Variants in KSR2 observed in about 807,000 individuals in gnomAD.
KSR2 encodes kinase suppressor of ras 2.
KSR2 carries 25 observed loss-of-function variants against 107.8 expected under a neutral mutation model. The observed-to-expected ratio is 0.23, with a 90% confidence interval of 0.17 to 0.32. The LOEUF (loss-of-function observed/expected upper bound fraction) is 0.32, where lower values mean the gene tolerates loss of function less well. KSR2 is among the 10% of genes least tolerant of loss of function. KSR2 has a pLI of 1.00. For missense variants in KSR2, 887 were observed against 1,268.9 expected, an observed-to-expected ratio of 0.70 and a Z score of 4.57; for synonymous variants, 480 against 507.0, an observed-to-expected ratio of 0.95 and a Z score of 0.71.
chr12:117,738,420 T>A (rs985460763), intron 4 of KSR2, among the ~76,000 whole-genome samples: 13 of 152,102 alleles, frequency 8.5e-5, no homozygotes, highest in African/African-American at 3.1e-4. Flanking sequence ...TAGCCTACTA[T>A]CCCCCCAGGC....
In KSR2 at chr12:117,530,966, G is replaced by A. The variant is rs1205194461; in HGVS notation, c.1777C>T (p.Leu593=). 4.3e-6 allele frequency: 7 copies of A among 1,613,580 alleles called. No individual in the cohort carries two copies. The African/African-American group carries it at 9.3e-5, about 22-fold the overall frequency. The change falls in exon 12 of 20, where the codon CTG becomes TTG. Residue 593 remains leucine, a synonymous_variant. Coordinates refer to ENST00000339824, the MANE Select transcript of KSR2 (RefSeq NM_173598.6). ...ETPTRAPQVI[L]HPVTSNPILE... is the part of the protein sequence containing the mutation. ...ATTGGATTCGAGGTCACCGGATGCAGGATGACCTGGGGCGCCCGGGTCGGC... is the reference window on the plus strand; with the variant it reads ...ATTGGATTCGAGGTCACCGGATGCAAGATGACCTGGGGCGCCCGGGTCGGC...
At chr12:117,746,392 AAACTGG>A (rs1888404963) in intron 4 of KSR2, among the ~76,000 whole-genome samples, 1 of 152,230 alleles carries the variant, frequency 6.6e-6, no homozygotes, top group South Asian at 2.1e-4. Flanking sequence ...CAGAAAACAG[AAACTGG>A]ACCCCTTCCT....
intron 1 of KSR2, among the ~76,000 whole-genome samples, chr12:117,944,428 G>C (rs1896111536): frequency 6.6e-6 from 1 of 152,012 alleles, no homozygotes; most frequent in East Asian, 1.9e-4. Context: ...TCAGCAACAT[G>C]AGAACAGACT....
At chr12:117,717,666 G>GTGTGTGT (rs1887038768) in intron 4 of KSR2, among the ~76,000 whole-genome samples, 1 of 144,366 alleles carries the variant, frequency 6.9e-6, no homozygotes, top group African/African-American at 2.6e-5. Context: ...GGGGCAGACA[G>GTGTGTGT]GTGTGTGTGT....
chr12:117,639,647 TTATTATTATTA>T (rs1431450223), intron 5 of KSR2, among the ~76,000 whole-genome samples: 2 of 138,356 alleles, frequency 1.4e-5, no homozygotes, highest in African/African-American at 2.7e-5. Context: ...ATTATTATTA[TTATTATTATTA>T]TATTATTTTA....
intron 5 of KSR2, among the ~76,000 whole-genome samples, chr12:117,634,043 G>T (rs1490688295): frequency 6.6e-6 from 1 of 152,170 alleles, no homozygotes; most frequent in African/African-American, 2.4e-5. Context: ...CATAAAGGCG[G>T]ACGCTGTGTC....
intron 3 of KSR2, among the ~76,000 whole-genome samples, chr12:117,817,917 A>G (rs1891430652): frequency 6.6e-6 from 1 of 152,100 alleles, no homozygotes; most frequent in Non-Finnish European, 1.5e-5. Context: ...GCGGGCCAAC[A>G]CAGTAAAACC....
At chr12:117,661,533 T>C (rs1884432300) in intron 5 of KSR2, among the ~76,000 whole-genome samples, 1 of 152,208 alleles carries the variant, frequency 6.6e-6, no homozygotes, top group African/African-American at 2.4e-5. Context: ...CCCTGTGTTG[T>C]TCTTGCAACG....
intron 3 of KSR2, among the ~76,000 whole-genome samples, chr12:117,761,761 C>T (rs1200120699): frequency 1.3e-5 from 2 of 152,264 alleles, no homozygotes; most frequent in African/African-American, 4.8e-5. Context: ...ATACCTGTTA[C>T]ATCGTATGCA....
chr12:117,706,689 G>A (rs1022178834), intron 4 of KSR2, among the ~76,000 whole-genome samples: 3 of 152,034 alleles, frequency 2.0e-5, no homozygotes, highest in African/African-American at 4.8e-5. Flanking sequence ...GCTCAACTCT[G>A]TAAATTTACT....
intron 3 of KSR2, among the ~76,000 whole-genome samples, chr12:117,779,519 T>C (rs116808570): frequency 0.029 from 4,487 of 152,278 alleles, 228 homozygotes; most frequent in African/African-American, 0.1. Flanking sequence ...TACTATTTGA[T>C]ATGGTGTGGC....
chr12:117,586,017 G>T (rs2136252737), intron 5 of KSR2, among the ~76,000 whole-genome samples: 1 of 152,338 alleles, frequency 6.6e-6, no homozygotes, highest in Middle Eastern at 3.4e-3. Context: ...GCTTTGCACA[G>T]AAGAGGGAAA....
intron 5 of KSR2, among the ~76,000 whole-genome samples, chr12:117,641,156 G>A (rs1173390067): frequency 6.6e-6 from 1 of 152,158 alleles, no homozygotes; most frequent in African/African-American, 2.4e-5. Context: ...GGAGTGCAGT[G>A]GTGCAATCTT....
rs182204603 is a variant in KSR2 at position 117,589,333 on chromosome 12, G to A, written c.1172-6974C>T. On this transcript the variant is annotated intron_variant, in intron 5 of 19. Transcript: ENST00000339824. ...AAAAATAATAGCTAACTTTTATTAA[G>A]CACCTATTACCCAGTGGGACCTAGA... 5.9e-5 allele frequency among the ~76,000 whole-genome samples: 9 copies of A among 152,256 alleles called. No individual in the cohort carries two copies. In the East Asian group the frequency reaches 1.5e-3, roughly 26 times the overall value.
chr12:117,469,840 C>T, intron 18 of KSR2, 45 bp from the exon 19 acceptor site: 1 of 1,600,828 alleles, frequency 6.2e-7, no homozygotes, highest in Non-Finnish European at 8.5e-7. Flanking sequence ...ATGGTGATTT[C>T]TTGATTACTC....
chr12:117,700,356 C>T (rs1025508373), intron 4 of KSR2, among the ~76,000 whole-genome samples: 2 of 152,160 alleles, frequency 1.3e-5, no homozygotes, highest in Non-Finnish European at 2.9e-5. Flanking sequence ...ACTCAACCAC[C>T]TGCCTAGCTC....
chr12:117,944,327 G>C (rs1896108993), intron 1 of KSR2, among the ~76,000 whole-genome samples: 1 of 152,182 alleles, frequency 6.6e-6, no homozygotes, highest in African/African-American at 2.4e-5. Context: ...GGTGAGCCGA[G>C]ATCGTGCCAT....
At chr12:117,657,014 A>ATATATATC (rs1565947276) in intron 5 of KSR2, among the ~76,000 whole-genome samples, 1 of 114,374 alleles carries the variant, frequency 8.7e-6, no homozygotes, top group African/African-American at 3.2e-5. Flanking sequence ...ATATATATAT[A>ATATATATC]TCCTATTAGT....
intron 1 of KSR2, among the ~76,000 whole-genome samples, chr12:117,875,629 C>T (rs887631037): frequency 1.3e-5 from 2 of 152,116 alleles, no homozygotes; most frequent in Non-Finnish European, 1.5e-5. Context: ...TGCCTTCTCC[C>T]TAAAGGTACA....
Sources: gnomAD v4.1 joint callset for allele counts (sites outside exome capture counted in the v4.1 genomes callset) on GRCh38, gnomAD v4.1.1 for gene constraint, MANE v1.5 for transcripts, NCBI Gene and HGNC (gene_info 2026-07-23, HGNC 2026-07-21) for gene names.